SND1: variants seen among roughly 807,000 people sequenced by gnomAD.
The protein encoded by SND1 is staphylococcal nuclease and tudor domain containing 1.
A neutral mutation model predicts 121.7 loss-of-function variants in SND1; 38 were observed. That is an observed-to-expected ratio of 0.31 (90% CI 0.24 to 0.41). The LOEUF (loss-of-function observed/expected upper bound fraction) is 0.41, where lower values mean the gene tolerates loss of function less well. SND1 is among the 10% of genes least tolerant of loss of function. The probability of loss-of-function intolerance (pLI) is 1.00; values close to 1 mark genes in which losing one functional copy is unlikely to be tolerated. For missense variants in SND1, 868 were observed against 1,184.6 expected (o/e 0.73, Z 3.92); for synonymous variants, 401 against 447.4 (o/e 0.90, Z 1.31).
At chr7:127,858,706 G>A (rs1052373970) in intron 12 of SND1, among the ~76,000 whole-genome samples, 4 of 152,126 alleles carry the variant, frequency 2.6e-5, no homozygotes, top group African/African-American at 9.7e-5. Context: ...CTTCCTGGAC[G>A]TCTTTTTCCT....
chr7:127,747,162 C>T (rs188785619), intron 10 of SND1, among the ~76,000 whole-genome samples: 3 of 152,276 alleles, frequency 2.0e-5, no homozygotes, highest in Non-Finnish European at 2.9e-5. Flanking sequence ...ATTTGCAGGG[C>T]TACTTTCCAG....
At chr7:127,765,618 G>A (rs372099410) in intron 10 of SND1, among the ~76,000 whole-genome samples, 11 of 152,126 alleles carry the variant, frequency 7.2e-5, no homozygotes, top group East Asian at 3.9e-4. Context: ...TAAATATTTC[G>A]AGGCTGAGGC....
chr7:127,925,057 A>G (rs747234676), intron 14 of SND1, among the ~76,000 whole-genome samples: 9 of 152,250 alleles, frequency 5.9e-5, no homozygotes, highest in Non-Finnish European at 7.3e-5. Context: ...AAGTCACCCC[A>G]GGCACATTTG....
At position 127,652,411 on chromosome 7, in the gene SND1, G is replaced by T; in HGVS notation, c.38G>T (p.Gly13Val). ...GCGCAGAGCGGCGGCTCCTCCGGGGGACCCGCGGTCCCCACCGTGCAGCGG... is the reference window on the plus strand; with the variant it reads ...GCGCAGAGCGGCGGCTCCTCCGGGGTACCCGCGGTCCCCACCGTGCAGCGG... The part of the protein sequence containing the change: ...SSAQSGGSSG[G>V]PAVPTVQRGI... Residue 13 changes from glycine to valine, a missense_variant, in exon 1 of 24, where the codon GGA (glycine) becomes GTA (valine). By Grantham distance (109) the Gly-to-Val change is moderately radical. Around this residue, in one of 2 missense-constraint regions of SND1, gnomAD observed 125 missense variants for 113.3 expected, o/e 1.10. Transcript: ENST00000354725. 6.4e-7 allele frequency: 1 copy of T among 1,570,770 alleles called. No individual in the cohort carries two copies. The highest frequency in any genetic ancestry group is 8.7e-7 in the Non-Finnish European group (1 of 1,154,510).
rs190307590 is a variant in SND1, at chr7:127,832,867, T to G, written c.1243-11457T>G. ...GATCAGCAGCAGCATTAGATTCTCA[T>G]AGAAGTGCAAAGCCTAGTGTGAACT... On this transcript the variant is annotated intron_variant, in intron 11 of 23. Coordinates refer to ENST00000354725, the MANE Select transcript of SND1 (RefSeq NM_014390.4). Among the ~76,000 whole-genome samples, 139 of 152,298 alleles carry G rather than the reference T, an allele frequency of 9.1e-4. 1 individual carries two copies. Among genetic ancestry groups the G allele is most frequent in the Middle Eastern group, 3.4e-3 (1 of 294 alleles).
At chr7:127,993,553 C>G (rs547348914) in intron 16 of SND1, among the ~76,000 whole-genome samples, 72 of 152,378 alleles carry the variant, frequency 4.7e-4, no homozygotes, top group Non-Finnish European at 1.6e-4. Context: ...TGCAGGAACT[C>G]TCCTGGAGCT....
intron 10 of SND1, among the ~76,000 whole-genome samples, chr7:127,778,285 C>T (rs1797656936): frequency 6.6e-6 from 1 of 151,292 alleles, no homozygotes; most frequent in South Asian, 2.1e-4. Flanking sequence ...ACCTCCACCT[C>T]CCGGGTTCAA....
intron 16 of SND1, among the ~76,000 whole-genome samples, chr7:128,026,831 G>A (rs1196123429): frequency 1.3e-5 from 2 of 152,170 alleles, no homozygotes; most frequent in African/African-American, 4.8e-5. Flanking sequence ...CCCCAACAAA[G>A]CCAGGGACTA....
intron 16 of SND1, among the ~76,000 whole-genome samples, chr7:128,039,388 G>T (rs886494987): frequency 6.6e-6 from 1 of 152,130 alleles, no homozygotes; most frequent in African/African-American, 2.4e-5. Context: ...GATATCCCAC[G>T]TGGGTAAGAG....
intron 10 of SND1, among the ~76,000 whole-genome samples, chr7:127,801,180 C>T (rs747513138): frequency 4.6e-5 from 7 of 152,202 alleles, no homozygotes; most frequent in Admixed American, 1.3e-4. Flanking sequence ...TGCCACATAG[C>T]GCCACATCAA....
chr7:128,004,657 C>G lies in SND1; in HGVS notation c.1779+13601C>G, dbSNP rs551787759. On this transcript the variant is annotated intron_variant, in intron 16 of 23. Coordinates refer to ENST00000354725, the MANE Select transcript of SND1 (RefSeq NM_014390.4). ...GACTTAGGGGTTCCTTCAGTCTTTGCCGCTCTGGTTGCACTATTCCTGAGC... is the reference window on the plus strand; with the variant it reads ...GACTTAGGGGTTCCTTCAGTCTTTGGCGCTCTGGTTGCACTATTCCTGAGC... Among the ~76,000 whole-genome samples, 5 of 152,356 alleles carry G rather than the reference C, an allele frequency of 3.3e-5. No homozygotes were observed. The South Asian group carries it at 1.0e-3, about 32-fold the overall frequency.
intron 9 of SND1, among the ~76,000 whole-genome samples, chr7:127,715,919 G>GT (rs1796380548): frequency 6.6e-6 from 1 of 152,044 alleles, no homozygotes; most frequent in Admixed American, 6.5e-5. Flanking sequence ...GTTCAACTTT[G>GT]TTTTTTTGCA....
intron 14 of SND1, among the ~76,000 whole-genome samples, chr7:127,918,184 G>A (rs552970164): frequency 8.6e-4 from 129 of 150,800 alleles, no homozygotes; most frequent in Non-Finnish European, 1.4e-3. Context: ...CATGTCTCCC[G>A]AGAAGGTGGG....
chr7:127,671,528 G>A (rs1795517830), intron 1 of SND1, among the ~76,000 whole-genome samples: 1 of 152,130 alleles, frequency 6.6e-6, no homozygotes, highest in Non-Finnish European at 1.5e-5. Context: ...ATGGAGTCTT[G>A]CTATGTTGCC....
At chr7:127,781,157 T>C (rs1415880300) in intron 10 of SND1, among the ~76,000 whole-genome samples, 2 of 152,166 alleles carry the variant, frequency 1.3e-5, no homozygotes, top group African/African-American at 2.4e-5. Flanking sequence ...GGTAGGAACA[T>C]GGAGAAGATT....
intron 16 of SND1, chr7:127,999,760 T>C (rs900311616): frequency 6.6e-6 from 1 of 152,194 alleles, no homozygotes; most frequent in Non-Finnish European, 1.5e-5. Context: ...TGGTATTCGA[T>C]ACAGTCTACC....
chr7:127,918,054 T>A (rs1051496488), intron 14 of SND1, among the ~76,000 whole-genome samples: 2 of 6,592 alleles, frequency 3.0e-4, no homozygotes, highest in Non-Finnish European at 5.3e-4. Flanking sequence ...ATAGATTTTT[T>A]CTTTTTTTTT....
chr7:128,011,350 G>C (rs754466290), intron 16 of SND1, among the ~76,000 whole-genome samples: 4 of 152,210 alleles, frequency 2.6e-5, no homozygotes, highest in Non-Finnish European at 5.9e-5. Flanking sequence ...GATGGATTTG[G>C]TGGCTCAAGT....
chr7:128,032,203 A>AACGCCGGCGCCTTCCAGCGCC (rs1484620223), intron 16 of SND1: 1 of 151,192 alleles, frequency 6.6e-6, no homozygotes, highest in Non-Finnish European at 1.5e-5. Flanking sequence ...TCGCGGGGTT[A>AACGCCGGCGCCTTCCAGCGCC]ACGCCGGCGC....
Sources: allele counts gnomAD v4.1 joint callset (sites outside exome capture counted in the v4.1 genomes callset), GRCh38; gene constraint gnomAD v4.1.1; regional missense constraint gnomAD v4.1.1; transcripts MANE v1.5; gene names NCBI Gene and HGNC (gene_info 2026-07-23, HGNC 2026-07-21).